The following GPC6 variants were observed in gnomAD, a reference collection of about 807,000 sequenced individuals.
The protein encoded by GPC6 is glypican-6.
In GPC6, 14 loss-of-function variants were observed where a neutral mutation model predicts 55.2. The ratio of observed to expected loss-of-function variants is 0.25; its 90% CI spans 0.17 to 0.40. The LOEUF is 0.40. GPC6 is among the 10% of genes least tolerant of loss of function. GPC6 has a pLI of 1.00. For synonymous variants in GPC6, 278 were observed against 259.6 expected, an observed-to-expected ratio of 1.07 and a Z score of -0.68; for missense variants, 641 against 708.5, an observed-to-expected ratio of 0.90 and a Z score of 1.08.
intron 4 of GPC6, among the ~76,000 whole-genome samples, chr13:94,153,651 A>G (rs555261): frequency 0.86 from 130,351 of 152,128 alleles, 56,102 homozygotes; most frequent in East Asian, 0.98. Context: ...AGAAATTGAG[A>G]GTCACAAAAA....
At chr13:94,369,056 T>C (rs1879409819) in intron 6 of GPC6, among the ~76,000 whole-genome samples, 1 of 152,208 alleles carries the variant, frequency 6.6e-6, no homozygotes, top group Non-Finnish European at 1.5e-5. Flanking sequence ...ACCTCCAGCC[T>C]ATAAAATATT....
intron 2 of GPC6, among the ~76,000 whole-genome samples, chr13:93,592,313 T>C (rs1244383784): frequency 2.0e-5 from 3 of 150,268 alleles, no homozygotes; most frequent in Non-Finnish European, 1.5e-5. Context: ...GCCTCCTGAG[T>C]AGCTGGGATT....
rs529878742 is a variant in GPC6, at chr13:94,143,118, C to A, written c.877+115224C>A. On this transcript the variant is annotated intron_variant, in intron 4 of 8. Coordinates refer to ENST00000377047, the MANE Select transcript of GPC6 (RefSeq NM_005708.5). Reference sequence around the variant, plus strand: ...GGGATTACAGACGTGAGCCACCATGCCCAGCCAGATGGCTGGCTACCTTTT... The same window carrying A: ...GGGATTACAGACGTGAGCCACCATGACCAGCCAGATGGCTGGCTACCTTTT... 1.4e-3 allele frequency among the ~76,000 whole-genome samples: 198 copies of A among 145,162 alleles called. 2 individuals carry two copies. The highest frequency in any genetic ancestry group is 4.2e-3 in the African/African-American group (169 of 40,718).
intron 1 of GPC6, among the ~76,000 whole-genome samples, chr13:93,510,093 T>C (rs752295090): frequency 3.3e-5 from 5 of 152,206 alleles, no homozygotes; most frequent in Non-Finnish European, 7.4e-5. Flanking sequence ...GTCTCTCTAA[T>C]ATTTTATGCC....
intron 3 of GPC6, among the ~76,000 whole-genome samples, chr13:93,981,646 T>C (rs1880807830): frequency 1.3e-5 from 2 of 152,210 alleles, no homozygotes; most frequent in Admixed American, 6.5e-5. Context: ...CAAATGCTCA[T>C]TCACCAACCT....
At chr13:93,852,797 T>A (rs1316853106) in intron 3 of GPC6, among the ~76,000 whole-genome samples, 5 of 151,710 alleles carry the variant, frequency 3.3e-5, no homozygotes, top group African/African-American at 1.2e-4. Flanking sequence ...ATCTTCTGAA[T>A]GGCTATGATC....
intron 4 of GPC6, among the ~76,000 whole-genome samples, chr13:94,209,493 C>T (rs1172591178): frequency 1.3e-5 from 2 of 152,112 alleles, no homozygotes; most frequent in Non-Finnish European, 2.9e-5. Context: ...TGATCTGCAA[C>T]CAGAGTACAC....
rs796405107 is a variant in GPC6 at position 93,600,799 on chromosome 13, A to G, written c.319+55378A>G. The stretch of plus-strand genomic sequence containing the variant: ...ATCCTGTAGCTACTAAAAATACAAA[A>G]ATTAGCCAGGTGTGGTGCTGGGCGC... On this transcript the variant is annotated intron_variant, in intron 2 of 8. Coordinates refer to ENST00000377047, the MANE Select transcript of GPC6 (RefSeq NM_005708.5). Among the ~76,000 whole-genome samples, 299 of 151,472 alleles carry G rather than the reference A, an allele frequency of 2.0e-3. 2 individuals are homozygous for G. The highest frequency in any genetic ancestry group is 7.0e-3 in the African/African-American group (290 of 41,262).
chr13:94,127,864 C>T (rs1424018797), intron 4 of GPC6, among the ~76,000 whole-genome samples: 3 of 152,026 alleles, frequency 2.0e-5, no homozygotes, highest in Admixed American at 2.0e-4. Context: ...TCATTTCTAG[C>T]TCCTGAATGT....
At chr13:93,310,983 G>A (rs998049300) in intron 1 of GPC6, among the ~76,000 whole-genome samples, 2 of 152,126 alleles carry the variant, frequency 1.3e-5, no homozygotes, top group Admixed American at 6.5e-5. Flanking sequence ...AAAAAATATT[G>A]AGTAGGTAGC....
intron 1 of GPC6, among the ~76,000 whole-genome samples, chr13:93,397,765 T>TA (rs1198552692): frequency 1.3e-5 from 2 of 151,882 alleles, no homozygotes; most frequent in East Asian, 3.9e-4. Flanking sequence ...CCCTCCTCTT[T>TA]TTTTTTTTCT....
At chr13:94,092,801 T>G (rs1566394957) in intron 4 of GPC6, among the ~76,000 whole-genome samples, 1 of 152,190 alleles carries the variant, frequency 6.6e-6, no homozygotes, top group Non-Finnish European at 1.5e-5. Flanking sequence ...ATCTTTTGTC[T>G]TTCTGATAAT....
Position 94,179,629 on chromosome 13 carries a change from A to T in GPC6, c.878-106720A>T, listed in dbSNP as rs150302563. Among the ~76,000 whole-genome samples, 290 of 152,350 alleles carry T rather than the reference A, an allele frequency of 1.9e-3. 1 individual carries two copies. Among genetic ancestry groups the T allele is most frequent in the African/African-American group, 6.6e-3 (276 of 41,590 alleles). ...TAATTCCTACCTATTCATTGAAAAT[A>T]AATGGAAAGTGAATTTAACTGCTGT... On this transcript the variant is annotated intron_variant, in intron 4 of 8. Transcript: ENST00000377047.
At chr13:94,077,542 G>C (rs765786049) in intron 4 of GPC6, among the ~76,000 whole-genome samples, 46 of 151,734 alleles carry the variant, frequency 3.0e-4, no homozygotes, top group Non-Finnish European at 2.2e-4. Context: ...TTCCTGCCTT[G>C]TTCCTGATCT....
chr13:93,557,964 T>C (rs1275300045), intron 2 of GPC6, among the ~76,000 whole-genome samples: 1 of 152,166 alleles, frequency 6.6e-6, no homozygotes, highest in Non-Finnish European at 1.5e-5. Context: ...CTTTTCTTCA[T>C]TCATTCTCCA....
chr13:94,348,364 C>T (rs1878385608), intron 6 of GPC6, among the ~76,000 whole-genome samples: 1 of 152,174 alleles, frequency 6.6e-6, no homozygotes, highest in South Asian at 2.1e-4. Context: ...AGCACTTCTC[C>T]AAAGTCAGAG....
rs182890174 is a variant in GPC6 at position 94,297,253 on chromosome 13, C to G, written c.1009-8727C>G. ...GCAGGGACGTGTCCAATTGGCATAT[C>G]CCCAGCACTTATGTTTGTGACACTC... On this transcript the variant is annotated intron_variant, in intron 5 of 8. Transcript: ENST00000377047. Among the ~76,000 whole-genome samples the G allele has an allele frequency of 6.6e-5, 10 of 152,250 alleles. No homozygotes were observed. In the East Asian group the frequency reaches 1.9e-3, roughly 29 times the overall value.
intron 2 of GPC6, among the ~76,000 whole-genome samples, chr13:93,788,764 G>C (rs1885895580): frequency 6.6e-6 from 1 of 152,068 alleles, no homozygotes; most frequent in Non-Finnish European, 1.5e-5. Flanking sequence ...TTTGTGTACT[G>C]TGTTAGACAG....
intron 4 of GPC6, among the ~76,000 whole-genome samples, chr13:94,248,929 A>G (rs1026003412): frequency 6.6e-6 from 1 of 152,172 alleles, no homozygotes; most frequent in Non-Finnish European, 1.5e-5. Flanking sequence ...GATGAAATGC[A>G]TTGCAAATAT....
Sources: allele counts gnomAD v4.1 joint callset (sites outside exome capture counted in the v4.1 genomes callset), GRCh38; gene constraint gnomAD v4.1.1; transcripts MANE v1.5; gene names NCBI Gene and HGNC (gene_info 2026-07-23, HGNC 2026-07-21).